Variants in TSPAN9 observed in about 807,000 individuals in gnomAD.
TSPAN9 encodes the protein tetraspanin-9.
TSPAN9 carries 16 observed loss-of-function variants against 31.0 expected under a neutral mutation model. The ratio of observed to expected loss-of-function variants is 0.52; its 90% CI spans 0.35 to 0.78. The LOEUF (loss-of-function observed/expected upper bound fraction) is 0.78. TSPAN9 is among the 30% of genes least tolerant of loss of function. TSPAN9 has a pLI of 0.01. For synonymous variants in TSPAN9, 145 were observed against 121.6 expected, an observed-to-expected ratio of 1.19 and a Z score of -1.27; for missense variants, 272 against 312.5, an observed-to-expected ratio of 0.87 and a Z score of 0.98.
Position 3,089,463 on chromosome 12 carries a change from A to AG in TSPAN9, c.-18+5744_-18+5745insG, listed in dbSNP as rs1555139445. Reference sequence around the variant, plus strand: ...AGGCATGTGCCACCACGCCTGGCTAATTTTTGTATTTTTAGTAGAGACGGG... The same window carrying AG: ...AGGCATGTGCCACCACGCCTGGCTAAGTTTTTGTATTTTTAGTAGAGACGGG... On this transcript the variant is annotated intron_variant, in intron 2 of 8. Coordinates refer to ENST00000011898, the MANE Select transcript of TSPAN9 (RefSeq NM_006675.5). Among the ~76,000 whole-genome samples, 6 of 151,220 alleles carry AG rather than the reference A, an allele frequency of 4.0e-5. No homozygotes were observed. In the East Asian group the frequency reaches 8.1e-4, roughly 20 times the overall value.
chr12:3,185,814 G>C (rs545525125), intron 2 of TSPAN9, among the ~76,000 whole-genome samples: 1 of 152,300 alleles, frequency 6.6e-6, no homozygotes, highest in Admixed American at 6.5e-5. Flanking sequence ...CTGGAGAATG[G>C]GGAATGGATG....
At chr12:3,233,995 C>T (rs962357632) in intron 3 of TSPAN9, among the ~76,000 whole-genome samples, 1 of 152,174 alleles carries the variant, frequency 6.6e-6, no homozygotes, top group Non-Finnish European at 1.5e-5. Context: ...CAGAGAATAG[C>T]AGAGTTACTT....
intron 3 of TSPAN9, among the ~76,000 whole-genome samples, chr12:3,202,624 C>G (rs1476792467): frequency 6.6e-6 from 1 of 152,126 alleles, no homozygotes; most frequent in African/African-American, 2.4e-5. Flanking sequence ...CCTCACGTCA[C>G]TAGTTACATG....
intron 2 of TSPAN9, among the ~76,000 whole-genome samples, chr12:3,149,064 G>A (rs2098338687): frequency 1.3e-5 from 2 of 152,204 alleles, no homozygotes; most frequent in South Asian, 2.1e-4. Flanking sequence ...TGTCTCTCTG[G>A]GAGGGCCAGT....
intron 3 of TSPAN9, among the ~76,000 whole-genome samples, chr12:3,265,196 C>A (rs1862517847): frequency 6.6e-6 from 1 of 152,204 alleles, no homozygotes; most frequent in Non-Finnish European, 1.5e-5. Flanking sequence ...AGCAGAAATC[C>A]TTTCAGTGGC....
intron 2 of TSPAN9, among the ~76,000 whole-genome samples, chr12:3,183,367 T>TTGACAGAAA (rs1266490457): frequency 1.3e-5 from 2 of 152,182 alleles, no homozygotes; most frequent in African/African-American, 4.8e-5. Context: ...CTTCCAGTTC[T>TTGACAGAAA]TGACAGAAAT....
chr12:3,213,270 T>C (rs1187405602), intron 3 of TSPAN9, among the ~76,000 whole-genome samples: 1 of 152,204 alleles, frequency 6.6e-6, no homozygotes, highest in African/African-American at 2.4e-5. Context: ...GTGAGGATCC[T>C]GTGCCTTCTG....
At chr12:3,161,940 CGAA>C (rs2098345571) in intron 2 of TSPAN9, among the ~76,000 whole-genome samples, 1 of 152,098 alleles carries the variant, frequency 6.6e-6, no homozygotes, top group South Asian at 2.1e-4. Flanking sequence ...TTCAGCCTTC[CGAA>C]GTGTTGGGAT....
At chr12:3,100,065 T>A (rs2098311132) in intron 2 of TSPAN9, among the ~76,000 whole-genome samples, 1 of 151,960 alleles carries the variant, frequency 6.6e-6, no homozygotes, top group Admixed American at 6.6e-5. Flanking sequence ...ATGGTCTCGA[T>A]CTCCTGACCT....
At position 3,170,006 on chromosome 12, in the gene TSPAN9, T is replaced by TGGGGTG. The variant is rs1402884552; in HGVS notation, c.-17-31160_-17-31155dup. Among the ~76,000 whole-genome samples the TGGGGTG allele has an allele frequency of 2.6e-5, 1 of 38,326 alleles. No homozygotes were observed. The highest frequency in any genetic ancestry group is 1.1e-4 in the African/African-American group (1 of 9,088). The allele number at this position is 38,326 out of a possible 152,430, so 25.1% of individuals were successfully genotyped here. A position where few individuals can be genotyped will look rare whatever the true frequency, so the allele number is the denominator to read the frequency against. On this transcript the variant is annotated intron_variant, in intron 2 of 8. Transcript: ENST00000011898. This position sits in a 1 kb window ranked among gnomAD's most constrained non-coding sequence, Gnocchi z 4.4. ...CCCTGATGGAGGAGTCAGAATGTCTTGGGGTGGGGGTGGGGGCATCCTGAA... is the reference window on the plus strand; with the variant it reads ...CCCTGATGGAGGAGTCAGAATGTCTTGGGGTGGGGGTGGGGGTGGGGGCATCCTGAA...
chr12:3,278,319 TTGTC>T lies in TSPAN9; in HGVS notation c.64-98_64-95del, dbSNP rs538293573. ...CGTTCTCACCTTGTCGGTTCTCACTTTGTCTGTGTCTCAGAGCATGGGGTGGGGA... is the reference window on the plus strand; with the variant it reads ...CGTTCTCACCTTGTCGGTTCTCACTTTGTGTCTCAGAGCATGGGGTGGGGA... On this transcript the variant is annotated intron_variant, in intron 3 of 8. Transcript: ENST00000011898. 4.0e-5 allele frequency: 59 copies of T among 1,491,248 alleles called. 1 individual carries two copies. Among genetic ancestry groups the T allele is most frequent in the African/African-American group, 1.4e-5 (1 of 71,566 alleles). 92.4% of individuals were successfully genotyped at this position (1,491,248 alleles called of 1,614,324 possible).
chr12:3,108,157 A>G (rs954723158), intron 2 of TSPAN9, among the ~76,000 whole-genome samples: 1 of 152,228 alleles, frequency 6.6e-6, no homozygotes, highest in Non-Finnish European at 1.5e-5. Flanking sequence ...TCTCCTCCAG[A>G]GTCTGTGGCG....
intron 3 of TSPAN9, chr12:3,206,403 G>A: frequency 2.2e-6 from 1 of 455,590 alleles, no homozygotes; most frequent in South Asian, 1.6e-5. Flanking sequence ...TTGAACACAG[G>A]GCTGTCAAGG....
At chr12:3,102,518 TCCGCCTCCCACCA>T (rs1337682583) in intron 2 of TSPAN9, among the ~76,000 whole-genome samples, 1 of 149,264 alleles carries the variant, frequency 6.7e-6, no homozygotes, top group African/African-American at 2.5e-5. Flanking sequence ...CACTACAAGC[TCCGCCTCCCACCA>T]GGTTCATGCC....
intron 2 of TSPAN9, among the ~76,000 whole-genome samples, chr12:3,090,923 G>A (rs189554669): frequency 2.8e-3 from 424 of 152,348 alleles, no homozygotes; most frequent in Non-Finnish European, 4.9e-3. Context: ...CTTCATGTTG[G>A]GTGTCCTTTG....
chr12:3,132,022 T>G (rs1197953829), intron 2 of TSPAN9, among the ~76,000 whole-genome samples: 1 of 152,190 alleles, frequency 6.6e-6, no homozygotes, highest in Non-Finnish European at 1.5e-5. Flanking sequence ...AATCATACAG[T>G]ATGTGGCCTT....
Position 3,278,405 on chromosome 12 carries a change from T to C in TSPAN9, c.64-16T>C. On this transcript the variant is annotated splice_polypyrimidine_tract_variant and intron_variant, in intron 3 of 8. Transcript: ENST00000011898. ...TGAGAGCAGCGCCAGGCTAATGGGC[T>C]TTCCTTCCTTTCCAGCTCTGTGGCT... 6.2e-7 allele frequency: 1 copy of C among 1,613,724 alleles called. No homozygotes were observed.
At chr12:3,208,729 G>T (rs564522522) in intron 3 of TSPAN9, among the ~76,000 whole-genome samples, 1 of 152,112 alleles carries the variant, frequency 6.6e-6, no homozygotes, top group Admixed American at 6.6e-5. Context: ...TAAAACAAAC[G>T]CCTGCCCACT....
chr12:3,179,519 C>G (rs1480809120), intron 2 of TSPAN9, among the ~76,000 whole-genome samples: 1 of 152,156 alleles, frequency 6.6e-6, no homozygotes. Context: ...GGAGAACCAG[C>G]AGGAGGTGGT....
Sources: gnomAD v4.1 joint callset for allele counts (sites outside exome capture counted in the v4.1 genomes callset) on GRCh38, gnomAD v4.1.1 for gene constraint, Gnocchi (gnomAD v3.1) non-coding constraint, MANE v1.5 for transcripts, NCBI Gene and HGNC (gene_info 2026-07-23, HGNC 2026-07-21) for gene names.